The following IFIH1 variants were observed in gnomAD, a reference collection of about 807,000 sequenced individuals.
IFIH1 encodes the protein interferon-induced helicase C domain-containing protein 1.
A neutral mutation model predicts 107.4 loss-of-function variants in IFIH1; 125 were observed. The ratio of observed to expected loss-of-function variants is 1.16; its 90% CI spans 1.01 to 1.35. IFIH1 has a LOEUF of 1.35. IFIH1 is among the 40% of genes most tolerant of loss of function. The pLI is 0.00. For missense variants in IFIH1, 1,333 were observed against 1,213.7 expected (o/e 1.10, Z -1.46); for synonymous variants, 458 against 413.2 (o/e 1.11, Z -1.31).
chr2:162,314,740 G>T (rs561253210), intron 1 of IFIH1, among the ~76,000 whole-genome samples: 1 of 151,718 alleles, frequency 6.6e-6, no homozygotes, highest in Non-Finnish European at 1.5e-5. Context: ...CACCCTCCTC[G>T]GCCTCCCAAA....
At chr2:162,305,731 G>A (rs1002854789) in intron 3 of IFIH1, among the ~76,000 whole-genome samples, 6 of 152,156 alleles carry the variant, frequency 3.9e-5, no homozygotes, top group African/African-American at 1.2e-4. Flanking sequence ...AAATTAAATT[G>A]TATAAACTTA....
At chr2:162,286,638 G>A (rs1372321128) in intron 5 of IFIH1, among the ~76,000 whole-genome samples, 1 of 151,862 alleles carries the variant, frequency 6.6e-6, no homozygotes, top group Admixed American at 6.6e-5. Flanking sequence ...CTTTGGGAGG[G>A]TAGATGGTGA....
chr2:162,279,861 TA>T (rs879449331), intron 8 of IFIH1, 134 bp downstream of exon 8: 93 of 646,696 alleles, frequency 1.4e-4, no homozygotes, highest in Middle Eastern at 8.1e-4. Context: ...TAACATCAAT[TA>T]AAAAAAAACC....
intron 3 of IFIH1, among the ~76,000 whole-genome samples, chr2:162,296,048 T>C (rs1370774292): frequency 6.6e-6 from 1 of 152,066 alleles, no homozygotes; most frequent in Non-Finnish European, 1.5e-5. Context: ...ATCTAAAATC[T>C]AAGACTGTAT....
chr2:162,278,868 A>G (rs1682757792), intron 8 of IFIH1, among the ~76,000 whole-genome samples: 1 of 152,106 alleles, frequency 6.6e-6, no homozygotes, highest in Non-Finnish European at 1.5e-5. Flanking sequence ...TTCCTGGGGC[A>G]TGGTGACTGG....
At chr2:162,302,113 T>C (rs531825025) in intron 3 of IFIH1, among the ~76,000 whole-genome samples, 1 of 152,280 alleles carries the variant, frequency 6.6e-6, no homozygotes, top group Admixed American at 6.5e-5. Context: ...ATATGTCACC[T>C]CTAGTGCCAA....
intron 7 of IFIH1, among the ~76,000 whole-genome samples, chr2:162,280,635 C>T (rs1282916536): frequency 1.3e-5 from 2 of 152,024 alleles, no homozygotes; most frequent in East Asian, 3.9e-4. Flanking sequence ...GGAATTAGTC[C>T]TTAATCCCAG....
intron 3 of IFIH1, among the ~76,000 whole-genome samples, chr2:162,303,710 T>A (rs1013857533): frequency 6.6e-6 from 1 of 152,032 alleles, no homozygotes; most frequent in African/African-American, 2.4e-5. Context: ...ATTATTAAAA[T>A]TTTTTTCACA....
At chr2:162,280,677 ATC>A (rs1392182192) in intron 7 of IFIH1, among the ~76,000 whole-genome samples, 1 of 152,066 alleles carries the variant, frequency 6.6e-6, no homozygotes, top group Admixed American at 6.6e-5. Context: ...CTATAATTGC[ATC>A]TCTGAATGTT....
At chr2:162,299,805 G>A (rs1683160377) in intron 3 of IFIH1, among the ~76,000 whole-genome samples, 1 of 152,118 alleles carries the variant, frequency 6.6e-6, no homozygotes, top group South Asian at 2.1e-4. Context: ...ACTGATCTTA[G>A]AAGTCTTAAA....
At chr2:162,295,436 C>T (rs1466511754) in intron 3 of IFIH1, among the ~76,000 whole-genome samples, 1 of 151,882 alleles carries the variant, frequency 6.6e-6, no homozygotes, top group Non-Finnish European at 1.5e-5. Context: ...ATTTACATCT[C>T]CCATCCAATT....
At chr2:162,317,811 C>A (rs763164604) in intron 1 of IFIH1, 44 bp downstream of exon 1, 1 of 1,493,540 alleles carries the variant, frequency 6.7e-7, no homozygotes, top group East Asian at 2.3e-5. Flanking sequence ...GCCTGCTTTG[C>A]AAAATCTGCC....
At chr2:162,301,979 C>CT (rs1357077371) in intron 3 of IFIH1, among the ~76,000 whole-genome samples, 1 of 152,076 alleles carries the variant, frequency 6.6e-6, no homozygotes, top group Non-Finnish European at 1.5e-5. Context: ...TTACTAACCA[C>CT]TTTTTTAATG....
chr2:162,276,564 C>T, intron 11 of IFIH1, 123 bp downstream of exon 11: 2 of 1,050,642 alleles, frequency 1.9e-6, no homozygotes, highest in Non-Finnish European at 2.7e-6. Context: ...TTGATCATGC[C>T]ACTGCTCTTC....
At chr2:162,282,863 C>A (rs1374625193) in intron 5 of IFIH1, among the ~76,000 whole-genome samples, 2 of 151,556 alleles carry the variant, frequency 1.3e-5, no homozygotes, top group African/African-American at 4.8e-5. Flanking sequence ...CTAAACAAAG[C>A]AAGACAAATT....
Position 162,288,247 on chromosome 2 carries a change from C to T in IFIH1, c.983G>A (p.Cys328Tyr). The T allele has an allele frequency of 6.2e-7, 1 of 1,612,460 alleles. No individual in the cohort carries two copies. Among genetic ancestry groups the T allele is most frequent in the African/African-American group, 1.3e-5 (1 of 74,894 alleles). ...GGTTTTTCCACTCCCTGTAGGGAGG[C>T]AGATGATGATATTCTTCCCTTCCAA... ...PALEGKNIII[C>Y]LPTGSGKTRV... Residue 328 changes from cysteine (C) to tyrosine (Y), a missense_variant, in exon 5 of 16, where the codon TGC (cysteine) becomes TAC (tyrosine). By Grantham distance (194) the Cys-to-Tyr change is radical. Transcript: ENST00000649979.
chr2:162,293,718 A>T, intron 3 of IFIH1, 50 bp from the exon 4 acceptor site: 1 of 1,193,312 alleles, frequency 8.4e-7, no homozygotes, highest in African/African-American at 1.5e-5. Context: ...CTGAGAATAA[A>T]CGTATTTTAA....
chr2:162,281,631 T>A, intron 6 of IFIH1, 86 bp from the exon 7 acceptor site: 1 of 940,922 alleles, frequency 1.1e-6, no homozygotes, highest in Admixed American at 2.4e-5. Flanking sequence ...TGAGCTGCCT[T>A]GGGGATGCCT....
chr2:162,318,146 C>T lies in IFIH1; in HGVS notation c.162G>A (p.Gly54=). The change falls in exon 1 of 16, where the codon GGG becomes GGA. Residue 54 remains glycine (G), a synonymous_variant. Transcript: ENST00000649979. ...GCAGCAGTTCAACTGCCTGCATGTT[C>T]CCGGAGGTGGCGACTGTCCTCTGAA... is the stretch of plus-strand genomic sequence containing the variant. ...EQIQRTVATS[G]NMQAVELLLS... 2 of 1,614,218 alleles carry T rather than the reference C, an allele frequency of 1.2e-6. No homozygotes were observed. The highest frequency in any genetic ancestry group is 8.5e-7 in the Non-Finnish European group (1 of 1,180,042).
Sources: gnomAD v4.1 joint callset for allele counts (sites outside exome capture counted in the v4.1 genomes callset) on GRCh38, gnomAD v4.1.1 for gene constraint, MANE v1.5 for transcripts, NCBI Gene and HGNC (gene_info 2026-07-23, HGNC 2026-07-21) for gene names.